Variants in NR4A1 observed in about 807,000 individuals in gnomAD.
NR4A1 encodes the protein nuclear receptor subfamily 4 group A member 1, also known as nuclear receptor subfamily 4immunitygroup A member 1.
A neutral mutation model predicts 47.5 loss-of-function variants in NR4A1; 24 were observed. That is an observed-to-expected ratio of 0.50 (90% CI 0.37 to 0.71). The LOEUF (loss-of-function observed/expected upper bound fraction) is 0.71. Among genes scored for constraint, NR4A1 ranks in the 30% least tolerant of loss-of-function variants. The pLI is 0.00. For synonymous variants in NR4A1, 353 were observed against 345.7 expected (o/e 1.02, Z -0.24); for missense variants, 669 against 788.6 (o/e 0.85, Z 1.82).
chr12:52,047,813 G>A (rs1938715060), upstream of NR4A1, among the ~76,000 whole-genome samples: 1 of 152,242 alleles, frequency 6.6e-6, no homozygotes, highest in Non-Finnish European at 1.5e-5. Flanking sequence ...AAGTTGTGAG[G>A]AGGAGAGGAG....
intron 2 of NR4A1, chr12:52,055,427 C>A: frequency 1.6e-6 from 1 of 627,924 alleles, no homozygotes; most frequent in East Asian, 2.7e-5. Flanking sequence ...TTGCACAGAG[C>A]TGGAGGGAGG....
intron 1 of NR4A1, among the ~76,000 whole-genome samples, chr12:52,031,984 C>T (rs1263906427): frequency 6.6e-6 from 1 of 151,920 alleles, no homozygotes; most frequent in African/African-American, 2.4e-5. Flanking sequence ...TTAGTAGAGA[C>T]GGGGTTTCAC....
chr12:52,031,933 A>G (rs991336303), intron 1 of NR4A1, among the ~76,000 whole-genome samples: 1 of 151,958 alleles, frequency 6.6e-6, no homozygotes, highest in African/African-American at 2.4e-5. Flanking sequence ...AGTAGCTGGG[A>G]TTACAGGTGC....
At chr12:52,046,312 C>T (rs990463027) in intron 2 of NR4A1, among the ~76,000 whole-genome samples, 1 of 152,196 alleles carries the variant, frequency 6.6e-6, no homozygotes, top group Non-Finnish European at 1.5e-5. Flanking sequence ...TGAGGATGCA[C>T]AAAGGATCTT....
intron 1 of NR4A1, among the ~76,000 whole-genome samples, chr12:52,031,833 G>A (rs1297924726): frequency 1.4e-5 from 2 of 144,902 alleles, no homozygotes; most frequent in Admixed American, 7.0e-5. Flanking sequence ...AGGCTGGAGC[G>A]CAGTGACGCA....
rs1299500362 is a variant in NR4A1 at position 52,058,837 on chromosome 12, A to T, written c.1690A>T (p.Thr564Ser). ...GTTGGGCAAACTGCCCGAGCTGCGG[A>T]CCCTGTGCACCCAGGGCCTGCAGCG... is the stretch of plus-strand genomic sequence containing the variant. ...RLLGKLPELR[T>S]LCTQGLQRIF... Residue 564 changes from threonine (T) to serine (S), a missense_variant, in exon 7 of 7, where the codon ACC (threonine) becomes TCC (serine). Physicochemically the swap from Thr to Ser is moderately conservative, Grantham distance 58 (BLOSUM62 1). Coordinates refer to ENST00000394825, the MANE Select transcript of NR4A1 (RefSeq NM_173157.3). 5.6e-6 allele frequency: 9 copies of T among 1,613,834 alleles called. No homozygotes were observed. Among genetic ancestry groups the T allele is most frequent in the Non-Finnish European group, 7.6e-6 (9 of 1,179,962 alleles).
chr12:52,052,292 TGTGTGTGTGTGTGAGA>T (rs914369783), intron 1 of NR4A1, among the ~76,000 whole-genome samples: 12 of 142,474 alleles, frequency 8.4e-5, no homozygotes, highest in Non-Finnish European at 1.3e-4. Flanking sequence ...TGTGTGTGTG[TGTGTGTGTGTGTGAGA>T]GAGAGAGAGA....
In NR4A1 at chr12:52,054,702, C is replaced by T. The variant is rs748349938; in HGVS notation, c.374C>T (p.Ser125Phe). 6.2e-7 allele frequency: 1 copy of T among 1,613,862 alleles called. No individual in the cohort carries two copies. Among genetic ancestry groups the T allele is most frequent in the Non-Finnish European group, 8.5e-7 (1 of 1,180,030 alleles). The change falls in exon 2 of 7, where the codon TCC becomes TTC. Residue 125 changes from serine to phenylalanine, a missense_variant. By Grantham distance (155) the Ser-to-Phe change is radical (BLOSUM62 -2). Transcript: ENST00000394825. ...PLSGPVDEAL[S>F]SSGSDYYGSP... Reference sequence around the variant, plus strand: ...AGCGGCCCAGTGGATGAGGCCCTGTCCTCCAGTGGCTCTGACTACTATGGC... The same window carrying T: ...AGCGGCCCAGTGGATGAGGCCCTGTTCTCCAGTGGCTCTGACTACTATGGC...
At chr12:52,058,277 T>C (rs1397655954) in intron 6 of NR4A1, among the ~76,000 whole-genome samples, 1 of 152,182 alleles carries the variant, frequency 6.6e-6, no homozygotes, top group African/African-American at 2.4e-5. Flanking sequence ...TCGTTCATTT[T>C]TTCACTTAAA....
At chr12:52,051,332 C>T, upstream of NR4A1, 1 of 914,348 alleles carries the variant, frequency 1.1e-6, no homozygotes, top group Non-Finnish European at 1.3e-6. Context: ...CCGCACCGCC[C>T]CCCGCGCCCT....
intron 3 of NR4A1, 147 bp from the exon 4 acceptor site, chr12:52,056,347 G>A: frequency 8.1e-6 from 11 of 1,364,750 alleles, no homozygotes; most frequent in Non-Finnish European, 1.1e-5. Context: ...GGTGGCAGGG[G>A]GAGGTTCCTA....
At chr12:52,042,330 A>T (rs1205745054) in intron 2 of NR4A1, among the ~76,000 whole-genome samples, 1 of 152,034 alleles carries the variant, frequency 6.6e-6, no homozygotes, top group African/African-American at 2.4e-5. Flanking sequence ...CCTGTCTCCC[A>T]GGTGTAGACA....
At chr12:52,022,992 TCC>T (rs777821744) in intron 1 of NR4A1, 1 of 152,218 alleles carries the variant, frequency 6.6e-6, no homozygotes, top group Non-Finnish European at 1.5e-5. Context: ...CAACACACTG[TCC>T]AGCCCCTGTC....
intron 2 of NR4A1, chr12:52,041,978 T>TG (rs774081631): frequency 4.6e-6 from 5 of 1,090,578 alleles, no homozygotes; most frequent in Non-Finnish European, 4.5e-6. Context: ...CAGGTGGGGT[T>TG]GGGGGGCAGA....
chr12:52,046,197 C>T (rs1188176467), intron 2 of NR4A1, among the ~76,000 whole-genome samples: 2 of 152,194 alleles, frequency 1.3e-5, no homozygotes, highest in Non-Finnish European at 2.9e-5. Flanking sequence ...TGTAATTCCA[C>T]TTCCTTCATC....
intron 6 of NR4A1, among the ~76,000 whole-genome samples, chr12:52,057,984 T>A (rs1939363684): frequency 6.6e-6 from 1 of 152,048 alleles, no homozygotes; most frequent in Admixed American, 6.5e-5. Context: ...AACCACTACT[T>A]TTTATTTAAA....
intron 1 of NR4A1, among the ~76,000 whole-genome samples, chr12:52,034,175 T>A (rs373523782): frequency 3.9e-5 from 6 of 152,228 alleles, no homozygotes; most frequent in East Asian, 3.8e-4. Context: ...GCCTTTTCTC[T>A]ATACCCTGCC....
At chr12:52,047,441 C>T (rs144015381), upstream of NR4A1, among the ~76,000 whole-genome samples, 113 of 152,388 alleles carry the variant, frequency 7.4e-4, 1 homozygote, top group African/African-American at 2.5e-3. Flanking sequence ...GTGCTCCACA[C>T]GGGAACCTGC....
chr12:52,051,468 T>C lies in NR4A1; in HGVS notation c.-103T>C, dbSNP rs1227000351. ...GTCCCAGTGGCGGAGGCTACGAAAC[T>C]TGGGGGAGTGCACAGAAGAACTTCG... On this transcript the variant is annotated 5_prime_UTR_variant, in exon 1 of 7. Transcript: ENST00000394825. 2.0e-6 allele frequency: 2 copies of C among 985,356 alleles called. No homozygotes were observed. Among genetic ancestry groups the C allele is most frequent in the Non-Finnish European group, 2.4e-6 (2 of 829,996 alleles). The allele number at this position is 985,356 out of a possible 1,614,324, so 61.0% of individuals were successfully genotyped here.
Sources: gnomAD v4.1 joint callset for allele counts (sites outside exome capture counted in the v4.1 genomes callset) on GRCh38, gnomAD v4.1.1 for gene constraint, MANE v1.5 for transcripts, NCBI Gene and HGNC (gene_info 2026-07-23, HGNC 2026-07-21) for gene names.